Variants in THUMPD1 observed in about 807,000 individuals in gnomAD.
THUMPD1 encodes THUMP domain-containing protein 1.
THUMPD1 carries 31 observed loss-of-function variants against 31.6 expected under a neutral mutation model. The observed-to-expected ratio is 0.98, with a 90% CI of 0.74 to 1.32. The LOEUF is 1.32. Among genes scored for constraint, THUMPD1 ranks in the 40% most tolerant of loss-of-function variants. THUMPD1 has a pLI of 0.00. For missense variants in THUMPD1, 446 were observed against 427.8 expected (o/e 1.04, Z -0.38); for synonymous variants, 166 against 158.2 (o/e 1.05, Z -0.37).
Position 20,736,764 on chromosome 16 carries a change from C to A in THUMPD1, c.*116G>T, listed in dbSNP as rs2079873167. On this transcript the variant is annotated 3_prime_UTR_variant, in exon 4 of 4. Transcript: ENST00000396083. ...CAATCATTGCTCACTACTGTGAGAACAGCATAATGCAGCACACAAATAAAA... is the reference window on the plus strand; with the variant it reads ...CAATCATTGCTCACTACTGTGAGAAAAGCATAATGCAGCACACAAATAAAA... 2 of 1,006,076 alleles carry A rather than the reference C, an allele frequency of 2.0e-6. No individual in the cohort carries two copies. Among genetic ancestry groups the A allele is most frequent in the African/African-American group, 3.3e-5 (2 of 61,476 alleles). 62.3% of individuals were successfully genotyped at this position (1,006,076 alleles called of 1,614,324 possible). A position where few individuals can be genotyped will look rare whatever the true frequency, so the allele number is the denominator to read the frequency against.
chr16:20,739,836 A>G (rs2152420502), intron 1 of THUMPD1, among the ~76,000 whole-genome samples: 1 of 152,092 alleles, frequency 6.6e-6, no homozygotes, highest in Admixed American at 6.5e-5. Flanking sequence ...AATTAAAAAA[A>G]AAAAAAAAAT....
In THUMPD1 at chr16:20,736,840, G is replaced by T; in HGVS notation, c.*40C>A. The T allele has an allele frequency of 6.3e-7, 1 of 1,594,294 alleles. No homozygotes were observed. Among genetic ancestry groups the T allele is most frequent in the Non-Finnish European group, 8.6e-7 (1 of 1,168,564 alleles). Reference sequence around the variant, plus strand: ...TGGAGCCCCAGCAACATCTCGTAGAGCCCCAGGTGAGAAACCCACCTCCAA... The same window carrying T: ...TGGAGCCCCAGCAACATCTCGTAGATCCCCAGGTGAGAAACCCACCTCCAA... On this transcript the variant is annotated 3_prime_UTR_variant, in exon 4 of 4. Coordinates refer to ENST00000396083, the MANE Select transcript of THUMPD1 (RefSeq NM_017736.5).
In THUMPD1 at chr16:20,736,582, A is replaced by G. The variant is rs1382421825; in HGVS notation, c.*298T>C. 12 of 303,546 alleles carry G rather than the reference A, an allele frequency of 4.0e-5. No individual in the cohort carries two copies. Among genetic ancestry groups the G allele is most frequent in the Non-Finnish European group, 6.1e-5 (10 of 163,680 alleles). 18.8% of individuals were successfully genotyped at this position (303,546 alleles called of 1,614,324 possible). A position where few individuals can be genotyped will look rare whatever the true frequency, so the allele number is the denominator to read the frequency against. ...TGATTTTCTACTTCACAGGTAGTTC[A>G]CTCCCTTAAGTCAGCTGGCACTGCA... is the stretch of plus-strand genomic sequence containing the variant. On this transcript the variant is annotated 3_prime_UTR_variant, in exon 4 of 4. Coordinates refer to ENST00000396083, the MANE Select transcript of THUMPD1 (RefSeq NM_017736.5).
chr16:20,734,382 C>A lies in THUMPD1; in HGVS notation c.*2498G>T, dbSNP rs1394834804. The A allele has an allele frequency of 3.3e-5, 5 of 152,586 alleles. No individual in the cohort carries two copies. In the East Asian group the frequency reaches 9.6e-4, roughly 29 times the overall value. The allele number at this position is 152,586 out of a possible 1,614,324, so 9.5% of individuals were successfully genotyped here. A position where few individuals can be genotyped will look rare whatever the true frequency, so the allele number is the denominator to read the frequency against. ...CTTATCAATCATTGCAAGGTAACTTCAATGTCATTAAGTATTAACATTCTA... is the reference window on the plus strand; with the variant it reads ...CTTATCAATCATTGCAAGGTAACTTAAATGTCATTAAGTATTAACATTCTA... On this transcript the variant is annotated 3_prime_UTR_variant, in exon 4 of 4. Coordinates refer to ENST00000396083, the MANE Select transcript of THUMPD1 (RefSeq NM_017736.5).
In THUMPD1 at chr16:20,741,558, G is replaced by A; in HGVS notation, c.182C>T (p.Ala61Val). The change falls in exon 1 of 4, where the codon GCC becomes GTC. Residue 61 changes from alanine to valine, a missense_variant. Ala to Val is a moderately conservative substitution (Grantham distance 64, BLOSUM62 0). Coordinates refer to ENST00000396083, the MANE Select transcript of THUMPD1 (RefSeq NM_017736.5). ...NMNERKCVEEAYSLLNEYGDD... is the reference protein window; with the variant it reads ...NMNERKCVEEVYSLLNEYGDD... ...GCCGTATTCGTTGAGGAGGCTGTAG[G>A]CCTCCTCCACGCACTTGCGCTCGTT... is the stretch of plus-strand genomic sequence containing the variant. The A allele has an allele frequency of 6.3e-7, 1 of 1,586,654 alleles. No individual in the cohort carries two copies. Among genetic ancestry groups the A allele is most frequent in the Non-Finnish European group, 8.6e-7 (1 of 1,167,396 alleles).
intron 1 of THUMPD1, 132 bp downstream of exon 1, chr16:20,741,377 G>C: frequency 8.6e-7 from 1 of 1,166,520 alleles, no homozygotes. Flanking sequence ...AAACGCCGGC[G>C]AGGCCACGCC....
intron 1 of THUMPD1, 31 bp downstream of exon 1, chr16:20,741,478 C>CCGGGGGGGGGGGGGGGGGG: frequency 7.5e-7 from 1 of 1,336,934 alleles, no homozygotes; most frequent in Non-Finnish European, 9.7e-7. Context: ...GGCCTGGCAG[C>CCGGGGGGGGGGGGGGGGGG]CGGCCCGCCC....
chr16:20,740,631 G>A (rs2079909333), intron 1 of THUMPD1, among the ~76,000 whole-genome samples: 2 of 152,128 alleles, frequency 1.3e-5, no homozygotes, highest in South Asian at 2.1e-4. Context: ...ATGTGCCCAT[G>A]TCCGAGTCCC....
Position 20,736,702 on chromosome 16 carries a change from C to G in THUMPD1, c.*178G>C. On this transcript the variant is annotated 3_prime_UTR_variant, in exon 4 of 4. Transcript: ENST00000396083. Reference sequence around the variant, plus strand: ...CTGCCTCTACGTAATACCATAAAGGCTGAAAGATCCCTAAAAAAACTGTTA... The same window carrying G: ...CTGCCTCTACGTAATACCATAAAGGGTGAAAGATCCCTAAAAAAACTGTTA... The G allele has an allele frequency of 1.5e-6, 1 of 647,488 alleles. No individual in the cohort carries two copies. The highest frequency in any genetic ancestry group is 2.1e-5 in the South Asian group (1 of 48,486). The allele number at this position is 647,488 out of a possible 1,614,324, so 40.1% of individuals were successfully genotyped here.
intron 2 of THUMPD1, 68 bp downstream of exon 2, chr16:20,738,829 G>C: frequency 6.4e-7 from 1 of 1,553,948 alleles, no homozygotes. Flanking sequence ...TTTGTAAGCA[G>C]TATTCCCTGA....
At chr16:20,741,481 G>GGGGGGGGGGGGGGGCCCCCCC in intron 1 of THUMPD1, 28 bp downstream of exon 1, 1 of 1,308,412 alleles carries the variant, frequency 7.6e-7, no homozygotes, top group Non-Finnish European at 9.9e-7. Context: ...CTGGCAGCCG[G>GGGGGGGGGGGGGGGCCCCCCC]CCCGCCCGCC....
chr16:20,738,351 T>G, intron 2 of THUMPD1: 1 of 401,640 alleles, frequency 2.5e-6, no homozygotes, highest in South Asian at 1.8e-5. Context: ...CTTTAAAAGA[T>G]GTAATTAATC....
In THUMPD1 at chr16:20,734,285, T is replaced by G. The variant is rs2152412561; in HGVS notation, c.*2595A>C. 6.5e-6 allele frequency: 1 copy of G among 152,762 alleles called. No homozygotes were observed. The highest frequency in any genetic ancestry group is 1.5e-5 in the Non-Finnish European group (1 of 68,024). The allele number at this position is 152,762 out of a possible 1,614,324, so 9.5% of individuals were successfully genotyped here. On this transcript the variant is annotated 3_prime_UTR_variant, in exon 4 of 4. Coordinates refer to ENST00000396083, the MANE Select transcript of THUMPD1 (RefSeq NM_017736.5). ...GCACTATCAAAATAGAATCTTTGTCTTGGAGCAAGTCTGCTGAAGAAGGCA... is the reference window on the plus strand; with the variant it reads ...GCACTATCAAAATAGAATCTTTGTCGTGGAGCAAGTCTGCTGAAGAAGGCA...
In THUMPD1 at chr16:20,741,598, T is replaced by C. The variant is rs895834629; in HGVS notation, c.142A>G (p.Ile48Val). The change falls in exon 1 of 4, where the codon ATC becomes GTC. Residue 48 changes from isoleucine (I) to valine (V), a missense_variant. By Grantham distance (29) the Ile-to-Val change is conservative (BLOSUM62 3). Coordinates refer to ENST00000396083, the MANE Select transcript of THUMPD1 (RefSeq NM_017736.5). ...QLEPGLQGILITCNMNERKCV... is the reference protein window; with the variant it reads ...QLEPGLQGILVTCNMNERKCV... ...TTGCGCTCGTTCATATTGCAGGTGA[T>C]GAGGATGCCCTGTAGCCCGGGCTCT... The C allele has an allele frequency of 2.5e-5, 39 of 1,574,948 alleles. No individual in the cohort carries two copies. The highest frequency in any genetic ancestry group is 3.0e-5 in the Non-Finnish European group (35 of 1,160,602).
At chr16:20,737,983 A>G in intron 2 of THUMPD1, 27 bp from the exon 3 acceptor site, 12 of 1,563,192 alleles carry the variant, frequency 7.7e-6, no homozygotes, top group Non-Finnish European at 1.0e-5. Flanking sequence ...AGTTAAGAAG[A>G]TAATTTCTCA....
intron 1 of THUMPD1, among the ~76,000 whole-genome samples, chr16:20,740,651 A>G (rs2079909590): frequency 1.3e-5 from 2 of 152,190 alleles, no homozygotes; most frequent in African/African-American, 4.8e-5. Context: ...CCAAGCTAGT[A>G]GAGGATGAGC....
rs150358594 is a variant in THUMPD1, at chr16:20,739,064, T to C, written c.239A>G (p.Asp80Gly). The change falls in exon 2 of 4, where the codon GAC becomes GGC. Residue 80 changes from aspartate to glycine, a missense_variant. Physicochemically the swap from Asp to Gly is moderately conservative, Grantham distance 94. Transcript: ENST00000396083. ...DDMYGPEKFTDKDQQPSGSEG... is the reference protein window; with the variant it reads ...DDMYGPEKFTGKDQQPSGSEG... ...ACTTCCAGAGGGCTGCTGATCCTTG[T>C]CTGTAAACTGTTTGCATAAAACTAA... is the stretch of plus-strand genomic sequence containing the variant. 97 of 1,614,062 alleles carry C rather than the reference T, an allele frequency of 6.0e-5. No individual in the cohort carries two copies. The highest frequency in any genetic ancestry group is 8.0e-5 in the Non-Finnish European group (94 of 1,180,024).
chr16:20,741,481 G>GGGGGGGGGGGGGCCCCC, intron 1 of THUMPD1, 28 bp downstream of exon 1: 15 of 1,308,402 alleles, frequency 1.1e-5, no homozygotes, highest in Non-Finnish European at 1.4e-5. Context: ...CTGGCAGCCG[G>GGGGGGGGGGGGGCCCCC]CCCGCCCGCC....
At chr16:20,737,365 T>C in intron 3 of THUMPD1, 79 bp from the exon 4 acceptor site, 2 of 1,440,326 alleles carry the variant, frequency 1.4e-6, no homozygotes, top group Non-Finnish European at 1.9e-6. Flanking sequence ...TTTGTCTCTG[T>C]TTCTTGTTAA....
Sources: allele counts gnomAD v4.1 joint callset (sites outside exome capture counted in the v4.1 genomes callset), GRCh38; gene constraint gnomAD v4.1.1; transcripts MANE v1.5; gene names NCBI Gene and HGNC (gene_info 2026-07-23, HGNC 2026-07-21).